Variants in WDFY4 observed in about 807,000 individuals in gnomAD.
The protein encoded by WDFY4 is WDFY family member 4, also known as WD repeat- and FYVE domain-containing protein 4.
WDFY4 carries 169 observed loss-of-function variants against 351.9 expected under a neutral mutation model. The observed-to-expected ratio is 0.48, with a 90% CI of 0.42 to 0.55. WDFY4 has a LOEUF of 0.55. WDFY4 is among the 20% of genes least tolerant of loss of function. WDFY4 has a pLI of 0.00. For synonymous variants in WDFY4, 1,622 were observed against 1,574.6 expected, an observed-to-expected ratio of 1.03 and a Z score of -0.71; for missense variants, 3,803 against 3,935.6, an observed-to-expected ratio of 0.97 and a Z score of 0.90.
intron 40 of WDFY4, among the ~76,000 whole-genome samples, chr10:48,872,531 C>CT (rs1274922331): frequency 6.6e-6 from 1 of 152,192 alleles, no homozygotes; most frequent in Non-Finnish European, 1.5e-5. Flanking sequence ...TGTTATGCTT[C>CT]TTGTCATTAG....
chr10:48,958,351 G>A (rs572225727), intron 52 of WDFY4, among the ~76,000 whole-genome samples: 40 of 152,298 alleles, frequency 2.6e-4, no homozygotes, highest in African/African-American at 7.0e-4. Context: ...CCCCCAAAGC[G>A]TGAGGAGTCC....
Position 48,777,472 on chromosome 10 carries a change from C to CT in WDFY4, c.3153dup (p.Val1052CysfsTer35). 6.4e-7 allele frequency: 1 copy of CT among 1,551,776 alleles called. No individual in the cohort carries two copies. Among genetic ancestry groups the CT allele is most frequent in the Non-Finnish European group, 8.7e-7 (1 of 1,147,012 alleles). ...GTTATGGGAACCAGCACTGAGTACT[C>CT]TGTCTCTGGAGGAATTGGGACAGGT... On this transcript the variant is annotated frameshift_variant, in exon 17 of 62. Transcript: ENST00000325239. LOFTEE classifies it high-confidence loss of function.
chr10:48,777,015 A>G lies in WDFY4; in HGVS notation c.3098+31A>G, dbSNP rs767894116. ...ACAGGCTTTCACATATTTAAAATGC[A>G]CTTTATTAATTTTGCAGTGCCTCTG... On this transcript the variant is annotated intron_variant, in intron 16 of 61. Transcript: ENST00000325239. The G allele has an allele frequency of 1.4e-5, 22 of 1,533,698 alleles. No individual in the cohort carries two copies. The South Asian group carries it at 2.6e-4, about 18-fold the overall frequency.
At chr10:48,847,392 T>C (rs1020961499) in intron 39 of WDFY4, among the ~76,000 whole-genome samples, 3 of 152,306 alleles carry the variant, frequency 2.0e-5, no homozygotes, top group South Asian at 4.1e-4. Flanking sequence ...GGGGGGAACA[T>C]GGTTTAGTCC....
intron 57 of WDFY4, among the ~76,000 whole-genome samples, chr10:48,973,487 C>A (rs1352793203): frequency 6.6e-6 from 1 of 152,208 alleles, no homozygotes; most frequent in East Asian, 1.9e-4. Context: ...TGAAAAATGA[C>A]GCTTAGCCTC....
chr10:48,703,867 T>A (rs533523755), intron 1 of WDFY4, among the ~76,000 whole-genome samples: 6 of 152,180 alleles, frequency 3.9e-5, no homozygotes, highest in African/African-American at 1.4e-4. Context: ...GCTCTGATGA[T>A]GCTATGTATC....
chr10:48,881,752 G>A (rs1411256274), intron 43 of WDFY4, among the ~76,000 whole-genome samples: 1 of 152,108 alleles, frequency 6.6e-6, no homozygotes, highest in Non-Finnish European at 1.5e-5. Context: ...GCCTCTCTGT[G>A]GCCTGGCACT....
intron 24 of WDFY4, among the ~76,000 whole-genome samples, chr10:48,800,923 G>T (rs1589644471): frequency 1.3e-5 from 2 of 151,626 alleles, no homozygotes. Flanking sequence ...AGTAGAGAAG[G>T]GATTTCACCA....
At chr10:48,824,739 A>C (rs2067938816) in intron 35 of WDFY4, among the ~76,000 whole-genome samples, 1 of 152,190 alleles carries the variant, frequency 6.6e-6, no homozygotes, top group African/African-American at 2.4e-5. Context: ...TCCTGGGCTC[A>C]AGCAATCCTC....
At chr10:48,795,534 TACAC>T (rs66514829) in intron 23 of WDFY4, among the ~76,000 whole-genome samples, 3,083 of 67,424 alleles carry the variant, frequency 0.046, 183 homozygotes, top group East Asian at 0.33. Context: ...CATATATATA[TACAC>T]ACACATGAAT....
chr10:48,700,119 T>C (rs1233980419), intron 1 of WDFY4, among the ~76,000 whole-genome samples: 1 of 152,154 alleles, frequency 6.6e-6, no homozygotes, highest in Non-Finnish European at 1.5e-5. Flanking sequence ...AGGCTGAAGG[T>C]TCACCTCCCA....
At chr10:48,696,443 C>T (rs993424624) in intron 1 of WDFY4, among the ~76,000 whole-genome samples, 10 of 152,226 alleles carry the variant, frequency 6.6e-5, no homozygotes, top group Non-Finnish European at 1.5e-4. Context: ...CCCTCCTGCT[C>T]GTGTCTCCAC....
At chr10:48,864,020 C>T (rs2069444255) in intron 39 of WDFY4, among the ~76,000 whole-genome samples, 1 of 152,116 alleles carries the variant, frequency 6.6e-6, no homozygotes, top group African/African-American at 2.4e-5. Flanking sequence ...CCTGGTCTCC[C>T]CCTTGACACG....
At chr10:48,910,428 T>A (rs41283289) in intron 47 of WDFY4, among the ~76,000 whole-genome samples, 1,928 of 152,318 alleles carry the variant, frequency 0.013, 12 homozygotes, top group Non-Finnish European at 0.019. Context: ...ACCCAAGGCT[T>A]TCCTATGAAG....
At chr10:48,938,480 GC>G (rs1840542259) in intron 47 of WDFY4, among the ~76,000 whole-genome samples, 1 of 152,268 alleles carries the variant, frequency 6.6e-6, no homozygotes, top group South Asian at 2.1e-4. Flanking sequence ...TGCTCTGCCA[GC>G]CCCCGATGGA....
intron 47 of WDFY4, among the ~76,000 whole-genome samples, chr10:48,923,342 A>G (rs1258125831): frequency 1.3e-5 from 2 of 151,962 alleles, no homozygotes; most frequent in South Asian, 4.2e-4. Context: ...TGAAATCTTC[A>G]TTAAAAAGAG....
intron 60 of WDFY4, among the ~76,000 whole-genome samples, chr10:48,980,291 T>C (rs1373814976): frequency 9.0e-6 from 1 of 110,856 alleles, no homozygotes; most frequent in African/African-American, 2.7e-5. Flanking sequence ...AGGCATGTTG[T>C]TCTTACATTG....
At chr10:48,792,102 T>C (rs1294973895) in intron 23 of WDFY4, among the ~76,000 whole-genome samples, 1 of 152,188 alleles carries the variant, frequency 6.6e-6, no homozygotes, top group East Asian at 1.9e-4. Flanking sequence ...CCAGCCAACA[T>C]TTCAGCCTAT....
chr10:48,895,115 C>A (rs1837008852), intron 44 of WDFY4, among the ~76,000 whole-genome samples: 1 of 152,208 alleles, frequency 6.6e-6, no homozygotes, highest in African/African-American at 2.4e-5. Flanking sequence ...CCCAGCTGTT[C>A]AGGGGCCTAA....
Sources: gnomAD v4.1 joint callset for allele counts (sites outside exome capture counted in the v4.1 genomes callset) on GRCh38, gnomAD v4.1.1 for gene constraint, MANE v1.5 for transcripts, NCBI Gene and HGNC (gene_info 2026-07-23, HGNC 2026-07-21) for gene names.